NAA15: variants seen among roughly 807,000 people sequenced by gnomAD.
NAA15 encodes the protein N-alpha-acetyltransferase 15, NatA auxiliary subunit.
NAA15 carries 34 observed loss-of-function variants against 114.0 expected under a neutral mutation model. The observed-to-expected ratio is 0.30, with a 90% CI of 0.23 to 0.40. NAA15 has a LOEUF of 0.40. Among genes scored for constraint, NAA15 ranks in the 10% least tolerant of loss-of-function variants. The pLI is 1.00. For synonymous variants in NAA15, 340 were observed against 338.0 expected, an observed-to-expected ratio of 1.01 and a Z score of -0.06; for missense variants, 658 against 1,004.5, an observed-to-expected ratio of 0.66 and a Z score of 4.66.
chr4:139,340,797 C>G (rs1747358454), intron 3 of NAA15, 115 bp from the exon 4 acceptor site: 1 of 735,772 alleles, frequency 1.4e-6, no homozygotes, highest in Non-Finnish European at 2.1e-6. Flanking sequence ...CTCCCCTTCC[C>G]CTTCTTTTTA....
At chr4:139,328,846 G>A (rs1160022509) in intron 1 of NAA15, among the ~76,000 whole-genome samples, 6 of 150,400 alleles carry the variant, frequency 4.0e-5, no homozygotes, top group African/African-American at 7.3e-5. Flanking sequence ...GATTGCAGGC[G>A]TGAGCCACTG....
chr4:139,314,996 T>TCAGGTCAGGTCAGG lies in NAA15; in HGVS notation c.54+13165_54+13166insCAGGTCAGGTCAGG, dbSNP rs1560952688. Among the ~76,000 whole-genome samples, 7 of 57,280 alleles carry TCAGGTCAGGTCAGG rather than the reference T, an allele frequency of 1.2e-4. 1 individual carries two copies. Among genetic ancestry groups the TCAGGTCAGGTCAGG allele is most frequent in the Non-Finnish European group, 2.1e-4 (6 of 28,900 alleles). The allele number at this position is 57,280 out of a possible 152,430, so 37.6% of individuals were successfully genotyped here. ...CGGCCTAGAGAAGCGTTCAGTTCAG[T>TCAGGTCAGGTCAGG]TCAGTTTAGTTTAGGTTAGGTTAGG... On this transcript the variant is annotated intron_variant, in intron 1 of 19. Transcript: ENST00000296543.
At chr4:139,340,605 G>C (rs1747351709) in intron 3 of NAA15, among the ~76,000 whole-genome samples, 1 of 152,064 alleles carries the variant, frequency 6.6e-6, no homozygotes, top group African/African-American at 2.4e-5. Flanking sequence ...TTAGTTGTCA[G>C]TAGTATGATT....
At chr4:139,381,093 T>C (rs925698350) in intron 17 of NAA15, among the ~76,000 whole-genome samples, 3 of 152,168 alleles carry the variant, frequency 2.0e-5, no homozygotes, top group African/African-American at 7.2e-5. Flanking sequence ...AATATGGATT[T>C]TAGCATGGTT....
chr4:139,364,076 A>G (rs1207069363), intron 14 of NAA15, among the ~76,000 whole-genome samples: 1 of 152,148 alleles, frequency 6.6e-6, no homozygotes, highest in Non-Finnish European at 1.5e-5. Context: ...TGGTCTTGCC[A>G]TGTTGCCCAG....
chr4:139,324,097 T>C (rs1746709084), intron 1 of NAA15, among the ~76,000 whole-genome samples: 1 of 152,138 alleles, frequency 6.6e-6, no homozygotes, highest in African/African-American at 2.4e-5. Context: ...TTTCCCAGGG[T>C]TGTCTGGAAC....
chr4:139,357,488 T>C lies in NAA15; in HGVS notation c.1190T>C (p.Ile397Thr). The change falls in exon 11 of 20, where the codon ATA becomes ACA. Residue 397 changes from isoleucine (I) to threonine (T), a missense_variant. Physicochemically the swap from Ile to Thr is moderately conservative, Grantham distance 89 (BLOSUM62 -1). Around this residue, in one of 6 missense-constraint regions of NAA15, gnomAD observed 281 missense variants for 389.1 expected, o/e 0.72. Transcript: ENST00000296543. ...IGQPSIALEY[I>T]NTAIESTPTL... is the part of the protein sequence containing the mutation. ...CAGCCATCTATTGCTTTGGAGTACA[T>C]AAATACTGCTATTGAAAGTACACCT... 1 of 1,612,698 alleles carries C rather than the reference T, an allele frequency of 6.2e-7. No homozygotes were observed. Among genetic ancestry groups the C allele is most frequent in the Non-Finnish European group, 8.5e-7 (1 of 1,178,766 alleles).
At position 139,302,799 on chromosome 4, in the gene NAA15, C is replaced by T. The variant is rs183033207; in HGVS notation, c.54+968C>T. Among the ~76,000 whole-genome samples the T allele has an allele frequency of 1.3e-3, 204 of 152,288 alleles. 1 individual carries two copies. Among genetic ancestry groups the T allele is most frequent in the Non-Finnish European group, 2.2e-3 (152 of 68,014 alleles). On this transcript the variant is annotated intron_variant, in intron 1 of 19. Transcript: ENST00000296543. Reference sequence around the variant, plus strand: ...ATAAATGCATTGATGTTTGCAGGGACTGTTTACATTGTAAAATATGTCCTG... The same window carrying T: ...ATAAATGCATTGATGTTTGCAGGGATTGTTTACATTGTAAAATATGTCCTG...
intron 10 of NAA15, chr4:139,356,379 G>A (rs1747950812): frequency 6.6e-6 from 1 of 152,282 alleles, no homozygotes; most frequent in East Asian, 1.9e-4. Flanking sequence ...GGGACCCTGG[G>A]TGCATATTGC....
intron 1 of NAA15, among the ~76,000 whole-genome samples, chr4:139,316,236 T>C (rs768521897): frequency 1.5e-4 from 23 of 151,952 alleles, no homozygotes; most frequent in Non-Finnish European, 2.8e-4. Context: ...ATATCCTTGA[T>C]ATTTGAAGGA....
Position 139,363,873 on chromosome 4 carries a change from ATTTG to A in NAA15, c.1753+1948_1753+1951del, listed in dbSNP as rs1418668695. Reference sequence around the variant, plus strand: ...ATCTAGTTTACAATTAATATATTTTATTTGTTTGTTTGTTTTGTTTTGTTTGAGA... The same window carrying A: ...ATCTAGTTTACAATTAATATATTTTATTTGTTTGTTTTGTTTTGTTTGAGA... On this transcript the variant is annotated intron_variant, in intron 14 of 19. Coordinates refer to ENST00000296543, the MANE Select transcript of NAA15 (RefSeq NM_057175.5). 7.2e-5 allele frequency among the ~76,000 whole-genome samples: 11 copies of A among 152,152 alleles called. 1 individual carries two copies. The East Asian group carries it at 1.7e-3, about 24-fold the overall frequency.
At chr4:139,360,446 T>A in intron 12 of NAA15, 54 bp from the exon 13 acceptor site, 1 of 1,415,922 alleles carries the variant, frequency 7.1e-7, no homozygotes, top group Non-Finnish European at 9.3e-7. Context: ...AATTCTGTGG[T>A]AGAATGATGT....
chr4:139,323,038 TTTTTCTTTTC>T (rs1204612163), intron 1 of NAA15, among the ~76,000 whole-genome samples: 1 of 149,418 alleles, frequency 6.7e-6, no homozygotes, highest in South Asian at 2.1e-4. Flanking sequence ...GGCAGATTTC[TTTTTCTTTTC>T]TTTTCTTTTT....
In NAA15 at chr4:139,336,608, T is replaced by A. The variant is rs558303512; in HGVS notation, c.140-240T>A. Among the ~76,000 whole-genome samples the A allele has an allele frequency of 4.1e-4, 62 of 152,106 alleles. 1 individual carries two copies. The highest frequency in any genetic ancestry group is 1.4e-3 in the African/African-American group (58 of 41,470). ...TAGCATGCATTTTGTATCTTTTATC[T>A]TAAAAAAAAGGAGAGTCTCTTTCCA... is the stretch of plus-strand genomic sequence containing the variant. On this transcript the variant is annotated intron_variant, in intron 2 of 19. Transcript: ENST00000296543.
chr4:139,360,844 T>C (rs886394810), intron 13 of NAA15, among the ~76,000 whole-genome samples: 6 of 152,120 alleles, frequency 3.9e-5, no homozygotes, highest in Non-Finnish European at 8.8e-5. Flanking sequence ...TAAAAAACTT[T>C]ATGGAAAATT....
At chr4:139,314,001 G>C (rs1465059344) in intron 1 of NAA15, among the ~76,000 whole-genome samples, 1 of 151,808 alleles carries the variant, frequency 6.6e-6, no homozygotes, top group African/African-American at 2.4e-5. Context: ...ATTAGTGACA[G>C]ATTAAAAACA....
chr4:139,365,862 AAG>A (rs912462974), intron 14 of NAA15, among the ~76,000 whole-genome samples: 8 of 152,116 alleles, frequency 5.3e-5, no homozygotes, highest in African/African-American at 1.2e-4. Context: ...GAAAAAAAGA[AAG>A]AGAGAAAAAA....
intron 14 of NAA15, among the ~76,000 whole-genome samples, chr4:139,368,016 T>G (rs920544121): frequency 6.7e-6 from 1 of 148,652 alleles, no homozygotes; most frequent in African/African-American, 2.5e-5. Flanking sequence ...TCTTCAAACT[T>G]CCACTAAAGC....
At chr4:139,306,592 G>A (rs1222128836) in intron 1 of NAA15, among the ~76,000 whole-genome samples, 2 of 150,866 alleles carry the variant, frequency 1.3e-5, no homozygotes, top group African/African-American at 2.4e-5. Context: ...TTTTTTTTTG[G>A]TCTGGTTTTT....
Sources: allele counts gnomAD v4.1 joint callset (sites outside exome capture counted in the v4.1 genomes callset), GRCh38; gene constraint gnomAD v4.1.1; regional missense constraint gnomAD v4.1.1; transcripts MANE v1.5; gene names NCBI Gene and HGNC (gene_info 2026-07-23, HGNC 2026-07-21).